CDC73: variants seen among roughly 807,000 people sequenced by gnomAD.
The protein encoded by CDC73 is cell division cycle 73.
CDC73 carries 21 observed loss-of-function variants against 83.7 expected under a neutral mutation model. That is an observed-to-expected ratio of 0.25 (90% CI 0.18 to 0.36). The LOEUF (loss-of-function observed/expected upper bound fraction) is 0.36. Among genes scored for constraint, CDC73 ranks in the 10% least tolerant of loss-of-function variants. The probability of loss-of-function intolerance (pLI) is 1.00; values close to 1 mark genes in which losing one functional copy is unlikely to be tolerated. For synonymous variants in CDC73, 224 were observed against 212.9 expected, an observed-to-expected ratio of 1.05 and a Z score of -0.45; for missense variants, 342 against 653.3, an observed-to-expected ratio of 0.52 and a Z score of 5.19.
intron 13 of CDC73, among the ~76,000 whole-genome samples, chr1:193,216,735 A>C (rs1017573726): frequency 7.2e-5 from 11 of 152,164 alleles, no homozygotes; most frequent in African/African-American, 2.4e-4. Context: ...CACATCAAAA[A>C]ACTAAAACAC....
intron 12 of CDC73, 143 bp downstream of exon 12, chr1:193,212,243 T>G (rs927409499): frequency 7.2e-6 from 6 of 833,870 alleles, no homozygotes; most frequent in South Asian, 6.9e-5. Context: ...CCACACTGAT[T>G]ATTAAATATT....
chr1:193,167,377 G>A (rs529295524), intron 10 of CDC73, among the ~76,000 whole-genome samples: 2 of 152,144 alleles, frequency 1.3e-5, no homozygotes, highest in South Asian at 2.1e-4. Context: ...TGGACTCCTC[G>A]AATAAACCAT....
At position 193,174,722 on chromosome 1, in the gene CDC73, A is replaced by G. The variant is rs150103390; in HGVS notation, c.972+22278A>G. Among the ~76,000 whole-genome samples, 302 of 152,268 alleles carry G rather than the reference A, an allele frequency of 2.0e-3. 1 individual carries two copies. Among genetic ancestry groups the G allele is most frequent in the African/African-American group, 6.9e-3 (287 of 41,560 alleles). On this transcript the variant is annotated intron_variant, in intron 10 of 16. Transcript: ENST00000367435. The stretch of plus-strand genomic sequence containing the variant: ...AAATGGCACTGTCAGTGTTCAGGCC[A>G]GTGTTCTAGGCATCATCCTTGTCAC...
chr1:193,205,627 T>TA (rs1677176095), intron 11 of CDC73, among the ~76,000 whole-genome samples: 1 of 152,184 alleles, frequency 6.6e-6, no homozygotes, highest in Non-Finnish European at 1.5e-5. Context: ...TTGTTATACT[T>TA]AGACTAGATT....
chr1:193,208,545 T>C (rs1449622872), intron 11 of CDC73, among the ~76,000 whole-genome samples: 1 of 152,232 alleles, frequency 6.6e-6, no homozygotes, highest in Non-Finnish European at 1.5e-5. Context: ...CTAACTGAGC[T>C]TTCTGCCTTC....
chr1:193,158,100 A>G (rs1358563599), intron 10 of CDC73, among the ~76,000 whole-genome samples: 1 of 151,020 alleles, frequency 6.6e-6, no homozygotes, highest in East Asian at 1.9e-4. Context: ...ATTTATTAAT[A>G]TATGTATTTA....
In CDC73 at chr1:193,141,953, A is replaced by G; in HGVS notation, c.616A>G (p.Thr206Ala). ...TIKTDLDDDI[T>A]ALKQRSFVDA... Reference sequence around the variant, plus strand: ...CAAGACTGATCTAGATGATGACATAACTGCCCTTAAACAGAGGAGTTTTGT... The same window carrying G: ...CAAGACTGATCTAGATGATGACATAGCTGCCCTTAAACAGAGGAGTTTTGT... Residue 206 changes from threonine (T) to alanine (A), a missense_variant, in exon 7 of 17, where the codon ACT becomes GCT. Physicochemically the swap from Thr to Ala is moderately conservative, Grantham distance 58. Around this residue, in one of 3 missense-constraint regions of CDC73, gnomAD observed 239 missense variants for 420.6 expected, o/e 0.57. Transcript: ENST00000367435. 1 of 1,613,864 alleles carries G rather than the reference A, an allele frequency of 6.2e-7. No homozygotes were observed. Among genetic ancestry groups the G allele is most frequent in the Non-Finnish European group, 8.5e-7 (1 of 1,179,792 alleles).
chr1:193,141,233 G>A (rs561957331), intron 6 of CDC73: 1 of 152,112 alleles, frequency 6.6e-6, no homozygotes, highest in Non-Finnish European at 1.5e-5. Context: ...TACTTTCAGT[G>A]TTGTCTTTTT....
intron 10 of CDC73, among the ~76,000 whole-genome samples, chr1:193,200,721 A>G (rs781669143): frequency 7.2e-5 from 11 of 152,142 alleles, no homozygotes; most frequent in Middle Eastern, 3.4e-3. Flanking sequence ...AGTCTGTTCC[A>G]TATTCCAGAT....
intron 2 of CDC73, among the ~76,000 whole-genome samples, chr1:193,127,177 G>A (rs953948771): frequency 1.3e-5 from 2 of 152,022 alleles, no homozygotes; most frequent in Non-Finnish European, 2.9e-5. Context: ...AAGGGGCTGA[G>A]GTGGGAGGAT....
intron 11 of CDC73, among the ~76,000 whole-genome samples, chr1:193,204,253 A>ATGTG (rs370382322): frequency 0.045 from 5,562 of 123,692 alleles, 162 homozygotes; most frequent in Admixed American, 0.071. Context: ...ATATATGTGT[A>ATGTG]TGTGTGTGTG....
intron 2 of CDC73, among the ~76,000 whole-genome samples, chr1:193,125,898 C>T (rs1267771098): frequency 1.3e-5 from 2 of 151,944 alleles, no homozygotes; most frequent in South Asian, 2.1e-4. Flanking sequence ...GTGACTTACA[C>T]AGACTTTTTA....
intron 11 of CDC73, among the ~76,000 whole-genome samples, chr1:193,210,475 C>G (rs954822523): frequency 1.3e-5 from 2 of 152,184 alleles, no homozygotes; most frequent in African/African-American, 4.8e-5. Context: ...TGGTCAAATA[C>G]TGAAAATAGA....
intron 15 of CDC73, among the ~76,000 whole-genome samples, chr1:193,245,496 A>G (rs542455145): frequency 5.9e-5 from 9 of 152,224 alleles, no homozygotes; most frequent in African/African-American, 2.2e-4. Context: ...GTGTACATGT[A>G]TGCCACATTT....
At position 193,200,377 on chromosome 1, in the gene CDC73, T is replaced by C. The variant is rs1677072772; in HGVS notation, c.973-3418T>C. ...TTGTTTAAGCAGCACATACTGGTAC[T>C]TTGCAAATATCAGAAGATTTTAGAT... On this transcript the variant is annotated intron_variant, in intron 10 of 16. Transcript: ENST00000367435. Among the ~76,000 whole-genome samples the C allele has an allele frequency of 3.3e-5, 5 of 152,214 alleles. 1 individual carries two copies. The South Asian group carries it at 1.0e-3, about 32-fold the overall frequency.
In CDC73 at chr1:193,252,815, T is replaced by C. The variant is rs912541650; in HGVS notation, c.*2103T>C. Reference sequence around the variant, plus strand: ...ATGACATGGTCCTATATAGCAGTACTTAACACAGTGCCTTGCACATAGTAG... The same window carrying C: ...ATGACATGGTCCTATATAGCAGTACCTAACACAGTGCCTTGCACATAGTAG... On this transcript the variant is annotated 3_prime_UTR_variant, in exon 17 of 17. Coordinates refer to ENST00000367435, the MANE Select transcript of CDC73 (RefSeq NM_024529.5). The C allele has an allele frequency of 1.1e-4, 26 of 231,802 alleles. No individual in the cohort carries two copies. The highest frequency in any genetic ancestry group is 5.5e-4 in the African/African-American group (25 of 45,290). The allele number at this position is 231,802 out of a possible 1,614,324, so 14.4% of individuals were successfully genotyped here.
intron 6 of CDC73, chr1:193,141,185 A>G (rs900707526): frequency 6.6e-6 from 1 of 152,250 alleles, no homozygotes; most frequent in East Asian, 1.9e-4. Flanking sequence ...TTTACATGAT[A>G]AAAGACACTT....
intron 13 of CDC73, among the ~76,000 whole-genome samples, chr1:193,222,422 T>C (rs1326589320): frequency 6.6e-6 from 1 of 152,198 alleles, no homozygotes; most frequent in East Asian, 1.9e-4. Context: ...ATAGTACTTG[T>C]TCCCAACAGC....
rs1301715434 is a variant in CDC73 at position 193,234,150 on chromosome 1, T to TTCTC, written c.1316+1019_1316+1022dup. On this transcript the variant is annotated intron_variant, in intron 14 of 16. Coordinates refer to ENST00000367435, the MANE Select transcript of CDC73 (RefSeq NM_024529.5). ...TTATGCCTCAAGACTGGTAGGATAATTCTCTCTCTCTCTCTCTCTCTCTCT... is the reference window on the plus strand; with the variant it reads ...TTATGCCTCAAGACTGGTAGGATAATTCTCTCTCTCTCTCTCTCTCTCTCTCTCT... Among the ~76,000 whole-genome samples the TTCTC allele has an allele frequency of 6.9e-4, 74 of 107,404 alleles. 1 individual carries two copies. The highest frequency in any genetic ancestry group is 2.3e-3 in the African/African-American group (60 of 26,538). 70.5% of individuals were successfully genotyped at this position (107,404 alleles called of 152,430 possible).
Sources: allele counts gnomAD v4.1 joint callset (sites outside exome capture counted in the v4.1 genomes callset), GRCh38; gene constraint gnomAD v4.1.1; regional missense constraint gnomAD v4.1.1; transcripts MANE v1.5; gene names NCBI Gene and HGNC (gene_info 2026-07-23, HGNC 2026-07-21).